The following LYNX1 variants were observed in gnomAD, a reference collection of about 807,000 sequenced individuals.
LYNX1 encodes the protein Ly6/neurotoxin 1.
In LYNX1, 8 loss-of-function variants were observed where a neutral mutation model predicts 8.3. The ratio of observed to expected loss-of-function variants is 0.97; its 90% CI spans 0.57 to 1.74. The LOEUF is 1.74. Ranked by LOEUF, LYNX1 falls within the 40% of genes most tolerant of loss-of-function variation. The pLI is 0.00. For synonymous variants in LYNX1, 73 were observed against 67.9 expected, an observed-to-expected ratio of 1.08 and a Z score of -0.37; for missense variants, 158 against 159.7, an observed-to-expected ratio of 0.99 and a Z score of 0.06.
chr8:142,774,099 C>G lies in LYNX1; in HGVS notation c.*1068G>C. ...CCCCAGGTGGAAGGTGATGGAGGGA[C>G]CCACTCACTGTGCGCATCCCGCTGC... On this transcript the variant is annotated 3_prime_UTR_variant, in exon 4 of 4. Coordinates refer to ENST00000652477, the MANE Select transcript of LYNX1 (RefSeq NM_177477.4). 1 of 985,358 alleles carries G rather than the reference C, an allele frequency of 1.0e-6. No individual in the cohort carries two copies. Among genetic ancestry groups the G allele is most frequent in the Non-Finnish European group, 1.2e-6 (1 of 829,906 alleles). The allele number at this position is 985,358 out of a possible 1,614,324, so 61.0% of individuals were successfully genotyped here. A position where few individuals can be genotyped will look rare whatever the true frequency, so the allele number is the denominator to read the frequency against.
intron 2 of LYNX1, 41 bp from the exon 3 acceptor site, chr8:142,775,735 G>C: frequency 6.5e-7 from 1 of 1,547,696 alleles, no homozygotes; most frequent in South Asian, 1.2e-5. Flanking sequence ...GGGGGTCACA[G>C]AACATGAGAG....
In LYNX1 at chr8:142,774,145, G is replaced by GCCCAAGGC; in HGVS notation, c.*1021_*1022insGCCTTGGG. On this transcript the variant is annotated 3_prime_UTR_variant, in exon 4 of 4. Coordinates refer to ENST00000652477, the MANE Select transcript of LYNX1 (RefSeq NM_177477.4). ...GCTGCGGGGGAGGGGCTGGGTCTCC[G>GCCCAAGGC]CCCTCCCCACCCCACCCTCCCCACT... The GCCCAAGGC allele has an allele frequency of 1.0e-6, 1 of 981,860 alleles. No homozygotes were observed. Among genetic ancestry groups the GCCCAAGGC allele is most frequent in the Non-Finnish European group, 1.2e-6 (1 of 827,994 alleles). 60.8% of individuals were successfully genotyped at this position (981,860 alleles called of 1,614,324 possible). A position where few individuals can be genotyped will look rare whatever the true frequency, so the allele number is the denominator to read the frequency against.
Position 142,774,182 on chromosome 8 carries a change from AC to A in LYNX1, c.*984del. Reference sequence around the variant, plus strand: ...CCACCCTCCCCACTCCCGCCCCCGCACGGCCACGAGAGGGTGGCATGCTCCG... The same window carrying A: ...CCACCCTCCCCACTCCCGCCCCCGCAGGCCACGAGAGGGTGGCATGCTCCG... On this transcript the variant is annotated 3_prime_UTR_variant, in exon 4 of 4. Transcript: ENST00000652477. 4 of 587,168 alleles carry A rather than the reference AC, an allele frequency of 6.8e-6. No homozygotes were observed. The highest frequency in any genetic ancestry group is 7.7e-6 in the Non-Finnish European group (4 of 522,120). The allele number at this position is 587,168 out of a possible 1,614,324, so 36.4% of individuals were successfully genotyped here. A position where few individuals can be genotyped will look rare whatever the true frequency, so the allele number is the denominator to read the frequency against.
chr8:142,771,238 G>A lies in LYNX1; in HGVS notation c.*3929C>T, dbSNP rs191123625. The A allele has an allele frequency of 2.5e-5, 25 of 985,482 alleles. No individual in the cohort carries two copies. Among genetic ancestry groups the A allele is most frequent in the South Asian group, 9.4e-5 (2 of 21,292 alleles). 61.0% of individuals were successfully genotyped at this position (985,482 alleles called of 1,614,324 possible). On this transcript the variant is annotated 3_prime_UTR_variant, in exon 4 of 4. Transcript: ENST00000652477. ...TGATTTATTTACGGCTCGGTGAGAC[G>A]ACGCTGGACGCTGGTTAGGGTAAGG...
At position 142,773,910 on chromosome 8, in the gene LYNX1, C is replaced by T. The variant is rs1815286332; in HGVS notation, c.*1257G>A. 1 of 985,422 alleles carries T rather than the reference C, an allele frequency of 1.0e-6. No individual in the cohort carries two copies. The highest frequency in any genetic ancestry group is 1.2e-6 in the Non-Finnish European group (1 of 829,946). 61.0% of individuals were successfully genotyped at this position (985,422 alleles called of 1,614,324 possible). On this transcript the variant is annotated 3_prime_UTR_variant, in exon 4 of 4. Transcript: ENST00000652477. ...GCTGGCACCAAAAGGTCTCACGCCC[C>T]CGAATGCCCCATTCACAGCAGGGGC...
At chr8:142,776,371 G>C (rs1209231002) in intron 1 of LYNX1, 1 of 265,124 alleles carries the variant, frequency 3.8e-6, no homozygotes, top group Non-Finnish European at 7.6e-6. Context: ...GGGGGAGGAT[G>C]AGGGGCAGTG....
Position 142,774,123 on chromosome 8 carries a change from GC to G in LYNX1, c.*1043del. ...ACCCACTCACTGTGCGCATCCCGCT[GC>G]GGGGGAGGGGCTGGGTCTCCGCCCT... On this transcript the variant is annotated 3_prime_UTR_variant, in exon 4 of 4. Coordinates refer to ENST00000652477, the MANE Select transcript of LYNX1 (RefSeq NM_177477.4). The G allele has an allele frequency of 1.0e-6, 1 of 985,216 alleles. No homozygotes were observed. The highest frequency in any genetic ancestry group is 1.2e-6 in the Non-Finnish European group (1 of 829,832). 61.0% of individuals were successfully genotyped at this position (985,216 alleles called of 1,614,324 possible). A position where few individuals can be genotyped will look rare whatever the true frequency, so the allele number is the denominator to read the frequency against.
In LYNX1 at chr8:142,773,964, G is replaced by C; in HGVS notation, c.*1203C>G. Reference sequence around the variant, plus strand: ...TGCTCCCTGGGCTACCTGCATCGGGGATGGATTGGTGCGTGTTGGGCTGAC... The same window carrying C: ...TGCTCCCTGGGCTACCTGCATCGGGCATGGATTGGTGCGTGTTGGGCTGAC... On this transcript the variant is annotated 3_prime_UTR_variant, in exon 4 of 4. Coordinates refer to ENST00000652477, the MANE Select transcript of LYNX1 (RefSeq NM_177477.4). 2 of 985,358 alleles carry C rather than the reference G, an allele frequency of 2.0e-6. No homozygotes were observed. The highest frequency in any genetic ancestry group is 2.4e-6 in the Non-Finnish European group (2 of 829,902). 61.0% of individuals were successfully genotyped at this position (985,358 alleles called of 1,614,324 possible).
At position 142,773,313 on chromosome 8, in the gene LYNX1, G is replaced by T. The variant is rs587771376; in HGVS notation, c.*1854C>A. On this transcript the variant is annotated 3_prime_UTR_variant, in exon 4 of 4. Coordinates refer to ENST00000652477, the MANE Select transcript of LYNX1 (RefSeq NM_177477.4). ...GGCAGCCTCCCAGACACCCCGGGCC[G>T]GTCCTGCTCTCCAGGCTTAGGGCTA... 1.0e-6 allele frequency: 1 copy of T among 985,380 alleles called. No homozygotes were observed. Among genetic ancestry groups the T allele is most frequent in the African/African-American group, 1.7e-5 (1 of 57,218 alleles). 61.0% of individuals were successfully genotyped at this position (985,380 alleles called of 1,614,324 possible). A position where few individuals can be genotyped will look rare whatever the true frequency, so the allele number is the denominator to read the frequency against.
chr8:142,775,240 C>G lies in LYNX1; in HGVS notation c.278G>C (p.Gly93Ala). The change falls in exon 4 of 4, where the codon GGC becomes GCC. Residue 93 changes from glycine (G) to alanine (A), a missense_variant. Transcript: ENST00000652477. ...TSCCQYDLCNGTGLATPATLA... is the reference protein window; with the variant it reads ...TSCCQYDLCNATGLATPATLA... ...GGTGGCCGGGGTGGCAAGGCCGGTG[C>G]CGTTGCAGAGGTCGTACTGGCAGCA... 1.2e-6 allele frequency: 2 copies of G among 1,613,710 alleles called. No individual in the cohort carries two copies. The highest frequency in any genetic ancestry group is 1.7e-6 in the Non-Finnish European group (2 of 1,179,908).
upstream of LYNX1, chr8:142,777,682 C>G: frequency 5.0e-6 from 2 of 396,966 alleles, no homozygotes; most frequent in Admixed American, 4.4e-5. Context: ...CGCTGGGACC[C>G]CGAGGCCAGT....
rs1173067734 is a variant in LYNX1 at position 142,774,198 on chromosome 8, G to A, written c.*969C>T. 1.0e-6 allele frequency: 1 copy of A among 984,130 alleles called. No individual in the cohort carries two copies. The allele number at this position is 984,130 out of a possible 1,614,324, so 61.0% of individuals were successfully genotyped here. On this transcript the variant is annotated 3_prime_UTR_variant, in exon 4 of 4. Coordinates refer to ENST00000652477, the MANE Select transcript of LYNX1 (RefSeq NM_177477.4). ...CGCCCCCGCACGGCCACGAGAGGGTGGCATGCTCCGCCTTCCCACGCCCAG... is the reference window on the plus strand; with the variant it reads ...CGCCCCCGCACGGCCACGAGAGGGTAGCATGCTCCGCCTTCCCACGCCCAG...
Position 142,776,080 on chromosome 8 carries a change from C to T in LYNX1, c.-123G>A. The T allele has an allele frequency of 8.6e-7, 1 of 1,157,814 alleles. No homozygotes were observed. The highest frequency in any genetic ancestry group is 1.2e-6 in the Non-Finnish European group (1 of 801,230). 71.7% of individuals were successfully genotyped at this position (1,157,814 alleles called of 1,614,324 possible). On this transcript the variant is annotated 5_prime_UTR_variant, in exon 2 of 4. Coordinates refer to ENST00000652477, the MANE Select transcript of LYNX1 (RefSeq NM_177477.4). ...GGTGCGCAGAGGACGTGGGGCCGGC[C>T]CTGCCTCCCGGAGCTCCTGGTCTAC...
At position 142,774,560 on chromosome 8, in the gene LYNX1, G is replaced by A. The variant is rs1398372068; in HGVS notation, c.*607C>T. The A allele has an allele frequency of 1.0e-6, 1 of 985,716 alleles. No homozygotes were observed. Among genetic ancestry groups the A allele is most frequent in the Non-Finnish European group, 1.2e-6 (1 of 830,244 alleles). 61.1% of individuals were successfully genotyped at this position (985,716 alleles called of 1,614,324 possible). On this transcript the variant is annotated 3_prime_UTR_variant, in exon 4 of 4. Transcript: ENST00000652477. ...GACTTCGGGGGCCCTGGGGCCTGCTGAGGCAGAGCCGCCCCCTCCCCTGCA... is the reference window on the plus strand; with the variant it reads ...GACTTCGGGGGCCCTGGGGCCTGCTAAGGCAGAGCCGCCCCCTCCCCTGCA...
In LYNX1 at chr8:142,771,461, G is replaced by A. The variant is rs1168081678; in HGVS notation, c.*3706C>T. The A allele has an allele frequency of 1.0e-6, 1 of 985,484 alleles. No individual in the cohort carries two copies. Among genetic ancestry groups the A allele is most frequent in the Non-Finnish European group, 1.2e-6 (1 of 829,988 alleles). 61.0% of individuals were successfully genotyped at this position (985,484 alleles called of 1,614,324 possible). A position where few individuals can be genotyped will look rare whatever the true frequency, so the allele number is the denominator to read the frequency against. On this transcript the variant is annotated 3_prime_UTR_variant, in exon 4 of 4. Coordinates refer to ENST00000652477, the MANE Select transcript of LYNX1 (RefSeq NM_177477.4). ...CTCAGGGCTGGGCGGAAGCTGGCAGGGCTGTCCACAGGGAGGACCCCCGTG... is the reference window on the plus strand; with the variant it reads ...CTCAGGGCTGGGCGGAAGCTGGCAGAGCTGTCCACAGGGAGGACCCCCGTG...
chr8:142,773,626 G>A lies in LYNX1; in HGVS notation c.*1541C>T, dbSNP rs587596201. 1.0e-6 allele frequency: 1 copy of A among 985,530 alleles called. No individual in the cohort carries two copies. The highest frequency in any genetic ancestry group is 4.7e-5 in the South Asian group (1 of 21,290). 61.0% of individuals were successfully genotyped at this position (985,530 alleles called of 1,614,324 possible). On this transcript the variant is annotated 3_prime_UTR_variant, in exon 4 of 4. Transcript: ENST00000652477. ...GAACCAGCCCCAGGAGCAGAACGCA[G>A]GCCTGCATATAGACTCACTGCAAGG...
chr8:142,772,807 G>A lies in LYNX1; in HGVS notation c.*2360C>T. ...CCAGCATTAGCTGAGTGCCTTCTGT[G>A]TGCTCTACGCCAGGTGCCAAGGGCA... On this transcript the variant is annotated 3_prime_UTR_variant, in exon 4 of 4. Coordinates refer to ENST00000652477, the MANE Select transcript of LYNX1 (RefSeq NM_177477.4). The A allele has an allele frequency of 4.1e-6, 4 of 985,698 alleles. No individual in the cohort carries two copies. The South Asian group carries it at 1.4e-4, about 35-fold the overall frequency. 61.1% of individuals were successfully genotyped at this position (985,698 alleles called of 1,614,324 possible).
chr8:142,774,993 T>G lies in LYNX1; in HGVS notation c.*174A>C, dbSNP rs1006604376. The G allele has an allele frequency of 6.3e-6, 9 of 1,433,998 alleles. No individual in the cohort carries two copies. The African/African-American group carries it at 1.3e-4, about 21-fold the overall frequency. The allele number at this position is 1,433,998 out of a possible 1,614,324, so 88.8% of individuals were successfully genotyped here. A position where few individuals can be genotyped will look rare whatever the true frequency, so the allele number is the denominator to read the frequency against. On this transcript the variant is annotated 3_prime_UTR_variant, in exon 4 of 4. Coordinates refer to ENST00000652477, the MANE Select transcript of LYNX1 (RefSeq NM_177477.4). ...GCATCGAAAGGTCAAGGCCTCGAAG[T>G]GAGGTCGTGTGGTGGTTGGGGGAGG...
chr8:142,772,275 C>G lies in LYNX1; in HGVS notation c.*2892G>C, dbSNP rs1269666189. On this transcript the variant is annotated 3_prime_UTR_variant, in exon 4 of 4. Transcript: ENST00000652477. ...CCCTCGGTTCTGCGAGAGAGATCCCCGAAGTGGGAACTGGGCCCCCATGGT... is the reference window on the plus strand; with the variant it reads ...CCCTCGGTTCTGCGAGAGAGATCCCGGAAGTGGGAACTGGGCCCCCATGGT... 1 of 985,820 alleles carries G rather than the reference C, an allele frequency of 1.0e-6. No individual in the cohort carries two copies. Among genetic ancestry groups the G allele is most frequent in the Non-Finnish European group, 1.2e-6 (1 of 830,030 alleles). 61.1% of individuals were successfully genotyped at this position (985,820 alleles called of 1,614,324 possible). A position where few individuals can be genotyped will look rare whatever the true frequency, so the allele number is the denominator to read the frequency against.
Sources: gnomAD v4.1 joint callset for allele counts on GRCh38, gnomAD v4.1.1 for gene constraint, MANE v1.5 for transcripts, NCBI Gene and HGNC (gene_info 2026-07-23, HGNC 2026-07-21) for gene names.